The following PAXBP1 variants were observed in gnomAD, a reference collection of about 807,000 sequenced individuals.
The protein encoded by PAXBP1 is PAX3- and PAX7-binding protein 1.
A neutral mutation model predicts 119.9 loss-of-function variants in PAXBP1; 44 were observed. The ratio of observed to expected loss-of-function variants is 0.37; its 90% CI spans 0.29 to 0.47. The LOEUF is 0.47. Among genes scored for constraint, PAXBP1 ranks in the 20% least tolerant of loss-of-function variants. PAXBP1 has a pLI of 0.99. For missense variants in PAXBP1, 898 were observed against 1,134.1 expected, an observed-to-expected ratio of 0.79 and a Z score of 2.99; for synonymous variants, 393 against 406.6, an observed-to-expected ratio of 0.97 and a Z score of 0.40.
At chr21:32,742,444 T>C (rs1157273121) in intron 15 of PAXBP1, 3 of 152,320 alleles carry the variant, frequency 2.0e-5, no homozygotes, top group East Asian at 1.9e-4. Context: ...TTCTATTTTT[T>C]CTCCAGGTCG....
At chr21:32,767,812 T>C (rs1183182786) in intron 2 of PAXBP1, among the ~76,000 whole-genome samples, 2 of 152,212 alleles carry the variant, frequency 1.3e-5, no homozygotes, top group African/African-American at 4.8e-5. Flanking sequence ...GGGTATGTCT[T>C]TATCAGCAGC....
chr21:32,742,071 G>T (rs576397170), intron 15 of PAXBP1, among the ~76,000 whole-genome samples: 6 of 152,304 alleles, frequency 3.9e-5, no homozygotes, highest in Admixed American at 2.6e-4. Flanking sequence ...AGACTGGGAG[G>T]TGGCCAGGGG....
At chr21:32,754,698 A>C (rs796109155) in intron 8 of PAXBP1, among the ~76,000 whole-genome samples, 28 of 152,352 alleles carry the variant, frequency 1.8e-4, no homozygotes, top group African/African-American at 6.5e-4. Flanking sequence ...CTAGAGAAAC[A>C]TTTAAAAAGA....
Position 32,744,828 on chromosome 21 carries a change from A to C in PAXBP1, c.2154T>G (p.Tyr718Ter). 1 of 1,604,948 alleles carries C rather than the reference A, an allele frequency of 6.2e-7. No homozygotes were observed. Among genetic ancestry groups the C allele is most frequent in the Non-Finnish European group, 8.5e-7 (1 of 1,174,614 alleles). The change falls in exon 13 of 18, where the codon TAT becomes TAG. Residue 718 changes from tyrosine to a stop codon, truncating the protein, a stop_gained. Transcript: ENST00000331923. LOFTEE classifies it high-confidence loss of function. ...TATTTTCTGCATTCACTACTGAAGGATATCCATTGATTAATTTTAGTGTAA... is the reference window on the plus strand; with the variant it reads ...TATTTTCTGCATTCACTACTGAAGGCTATCCATTGATTAATTTTAGTGTAA... ...VGITLKLING[Y>*]PSVVNAENKN...
chr21:32,754,322 A>C (rs1489468757), intron 8 of PAXBP1, among the ~76,000 whole-genome samples: 1 of 152,246 alleles, frequency 6.6e-6, no homozygotes, highest in Non-Finnish European at 1.5e-5. Context: ...ATCACTGGGG[A>C]TAGAACCAGA....
intron 1 of PAXBP1, among the ~76,000 whole-genome samples, chr21:32,770,270 T>G (rs1212153741): frequency 6.6e-6 from 1 of 152,180 alleles, no homozygotes; most frequent in Non-Finnish European, 1.5e-5. Context: ...ATCACCAAGT[T>G]ATTAACGAAT....
In PAXBP1 at chr21:32,771,402, C is replaced by T. The variant is rs901742234; in HGVS notation, c.267G>A (p.Leu89=). ...FPGGAEPGNG[L]KPRKRPRENK... is the part of the protein sequence containing the mutation. Reference sequence around the variant, plus strand: ...TCTCGCGAGGCCTCTTGCGCGGCTTCAGCCCGTTGCCGGGCTCCGCGCCGC... The same window carrying T: ...TCTCGCGAGGCCTCTTGCGCGGCTTTAGCCCGTTGCCGGGCTCCGCGCCGC... Residue 89 remains leucine (L), a synonymous_variant, in exon 1 of 18, where the codon CTG becomes CTA. Transcript: ENST00000331923. The T allele has an allele frequency of 1.9e-6, 3 of 1,558,046 alleles. No individual in the cohort carries two copies. The highest frequency in any genetic ancestry group is 2.8e-5 in the African/African-American group (2 of 70,900).
At position 32,759,853 on chromosome 21, in the gene PAXBP1, T is replaced by C. The variant is rs2044108319; in HGVS notation, c.1117A>G (p.Thr373Ala). 2.5e-6 allele frequency: 4 copies of C among 1,613,948 alleles called. No homozygotes were observed. The highest frequency in any genetic ancestry group is 3.4e-6 in the Non-Finnish European group (4 of 1,179,912). The part of the protein sequence containing the change: ...SDAKSQKTDN[T>A]VPFKTPSNEM... ...TTACTGGGAGTTTTGAAAGGGACTG[T>C]ATTATCTGTTTTTTGAGATTTGGCA... is the stretch of plus-strand genomic sequence containing the variant. Residue 373 changes from threonine (T) to alanine (A), a missense_variant, in exon 6 of 18, where the codon ACA becomes GCA. Transcript: ENST00000331923.
chr21:32,753,173 A>G (rs2043984162), intron 8 of PAXBP1, among the ~76,000 whole-genome samples: 1 of 152,042 alleles, frequency 6.6e-6, no homozygotes, highest in South Asian at 2.1e-4. Flanking sequence ...AAATATCATT[A>G]TACGGCTGGG....
At chr21:32,757,930 C>T (rs2044070297) in intron 7 of PAXBP1, among the ~76,000 whole-genome samples, 1 of 152,192 alleles carries the variant, frequency 6.6e-6, no homozygotes, top group East Asian at 1.9e-4. Flanking sequence ...TTCTTCCCCA[C>T]CCTAAGCAAC....
In PAXBP1 at chr21:32,771,442, C is replaced by A. The variant is rs1244268746; in HGVS notation, c.227G>T (p.Gly76Val). Residue 76 changes from glycine (G) to valine (V), a missense_variant, in exon 1 of 18, where the codon GGG becomes GTG. Physicochemically the swap from Gly to Val is moderately radical, Grantham distance 109. Around this residue, in one of 2 missense-constraint regions of PAXBP1, gnomAD observed 299 missense variants for 281.4 expected, o/e 1.06. Transcript: ENST00000331923. Reference protein sequence around the residue: ...ALTPGLGAEAGGGFPGGAEPG... With the variant: ...ALTPGLGAEAVGGFPGGAEPG... Reference sequence around the variant, plus strand: ...CTCCGCGCCGCCGGGGAAGCCGCCCCCGGCCTCAGCCCCGAGGCCCGGGGT... The same window carrying A: ...CTCCGCGCCGCCGGGGAAGCCGCCCACGGCCTCAGCCCCGAGGCCCGGGGT... 2 of 1,499,286 alleles carry A rather than the reference C, an allele frequency of 1.3e-6. No individual in the cohort carries two copies. The highest frequency in any genetic ancestry group is 2.9e-5 in the African/African-American group (2 of 69,270). 92.9% of individuals were successfully genotyped at this position (1,499,286 alleles called of 1,614,324 possible). A position where few individuals can be genotyped will look rare whatever the true frequency, so the allele number is the denominator to read the frequency against.
rs575685460 is a variant in PAXBP1, at chr21:32,764,791, C to A, written c.473-267G>T. ...AATAAAGGATGCATTTGAGGCCCTG[C>A]TCCATTCCACCTTCAGTTAATTTTA... is the stretch of plus-strand genomic sequence containing the variant. On this transcript the variant is annotated intron_variant, in intron 2 of 17. Coordinates refer to ENST00000331923, the MANE Select transcript of PAXBP1 (RefSeq NM_016631.4). Among the ~76,000 whole-genome samples, 179 of 152,266 alleles carry A rather than the reference C, an allele frequency of 1.2e-3. 2 individuals are homozygous for A. The highest frequency in any genetic ancestry group is 2.9e-4 in the Non-Finnish European group (20 of 68,016).
intron 15 of PAXBP1, among the ~76,000 whole-genome samples, chr21:32,738,800 G>A (rs1482847929): frequency 6.6e-6 from 1 of 152,032 alleles, no homozygotes; most frequent in Non-Finnish European, 1.5e-5. Context: ...TCAATATATA[G>A]AAAATGAAAG....
intron 14 of PAXBP1, among the ~76,000 whole-genome samples, 173 bp downstream of exon 14, chr21:32,743,505 G>C (rs888856065): frequency 6.6e-6 from 1 of 152,160 alleles, no homozygotes; most frequent in Non-Finnish European, 1.5e-5. Context: ...CAGGGAGAAC[G>C]TAAGAGTATT....
chr21:32,748,711 A>G lies in PAXBP1; in HGVS notation c.1724-13T>C, dbSNP rs1412809487. On this transcript the variant is annotated splice_polypyrimidine_tract_variant and intron_variant, in intron 10 of 17. Transcript: ENST00000331923. ...TTTGAAATTCGATCTAAAAACAACA[A>G]AACCCCACAGAGAACCATACATTAG... 1.2e-6 allele frequency: 2 copies of G among 1,604,390 alleles called. No individual in the cohort carries two copies. The highest frequency in any genetic ancestry group is 1.7e-6 in the Non-Finnish European group (2 of 1,175,906).
chr21:32,754,902 C>A (rs1474782750), intron 8 of PAXBP1, among the ~76,000 whole-genome samples: 24 of 151,946 alleles, frequency 1.6e-4, no homozygotes, highest in Admixed American at 1.5e-3. Context: ...GGGGAAAAAA[C>A]CAATTAGGGC....
At chr21:32,760,091 C>G (rs1043346184) in intron 5 of PAXBP1, 97 bp from the exon 6 acceptor site, 1 of 898,332 alleles carries the variant, frequency 1.1e-6, no homozygotes, top group Non-Finnish European at 1.7e-6. Flanking sequence ...AAAAATTATA[C>G]CTATTTGCCA....
intron 7 of PAXBP1, 126 bp from the exon 8 acceptor site, chr21:32,755,479 A>C (rs1345863876): frequency 1.6e-6 from 2 of 1,234,812 alleles, no homozygotes; most frequent in African/African-American, 3.1e-5. Flanking sequence ...ATGAATCCCC[A>C]ACAGCACACA....
At position 32,771,353 on chromosome 21, in the gene PAXBP1, G is replaced by T; in HGVS notation, c.316C>A (p.Leu106Met). 1 of 1,585,902 alleles carries T rather than the reference G, an allele frequency of 6.3e-7. No individual in the cohort carries two copies. The highest frequency in any genetic ancestry group is 2.4e-5 in the East Asian group (1 of 42,374). The change falls in exon 1 of 18, where the codon CTG becomes ATG. Residue 106 changes from leucine (L) to methionine (M), a missense_variant. This residue lies in a region of PAXBP1 where 299 missense variants were observed against 281.4 expected (regional missense o/e 1.06). Transcript: ENST00000331923. ...RENKEVPRASLLSFQDEEEEN... is the reference protein window; with the variant it reads ...RENKEVPRASMLSFQDEEEEN... ...TCCTCCTCGTCCTGGAAGCTGAGCA[G>T]GCTGGCCCGGGGCACCTCTTTGTTC...
Sources: gnomAD v4.1 joint callset for allele counts (sites outside exome capture counted in the v4.1 genomes callset) on GRCh38, gnomAD v4.1.1 for gene constraint, gnomAD v4.1.1 regional missense constraint, MANE v1.5 for transcripts, NCBI Gene and HGNC (gene_info 2026-07-23, HGNC 2026-07-21) for gene names.